PDE8A: variants seen among roughly 807,000 people sequenced by gnomAD.
PDE8A encodes phosphodiesterase 8A, also known as high affinity cAMP-specific and IBMX-insensitive 3',5'-cyclic phosphodiesterase 8A.
In PDE8A, 59 loss-of-function variants were observed where a neutral mutation model predicts 105.0. That is an observed-to-expected ratio of 0.56 (90% CI 0.46 to 0.70). The LOEUF is 0.70. Ranked by LOEUF, PDE8A falls within the 30% of genes least tolerant of loss-of-function variation. The probability of loss-of-function intolerance (pLI) is 0.00; values close to 1 mark genes in which losing one functional copy is unlikely to be tolerated. For missense variants in PDE8A, 1,014 were observed against 1,045.9 expected (o/e 0.97, Z 0.42); for synonymous variants, 355 against 371.9 (o/e 0.95, Z 0.52).
intron 3 of PDE8A, among the ~76,000 whole-genome samples, chr15:85,072,477 T>C (rs978677387): frequency 6.6e-6 from 1 of 152,214 alleles, no homozygotes; most frequent in Non-Finnish European, 1.5e-5. Flanking sequence ...CCCTAGTTTT[T>C]CTTACAGCTG....
At chr15:85,129,029 TC>T (rs2082295953) in intron 20 of PDE8A, among the ~76,000 whole-genome samples, 1 of 152,246 alleles carries the variant, frequency 6.6e-6, no homozygotes, top group African/African-American at 2.4e-5. Context: ...TGGGTTTTCT[TC>T]CCTTCATTCT....
At chr15:85,058,533 G>A (rs2081097686) in intron 1 of PDE8A, among the ~76,000 whole-genome samples, 1 of 152,098 alleles carries the variant, frequency 6.6e-6, no homozygotes, top group South Asian at 2.1e-4. Context: ...TTGGGTCCAG[G>A]GGTTTTCTTT....
At chr15:85,083,457 C>A in intron 5 of PDE8A, 99 bp from the exon 6 acceptor site, 1 of 684,056 alleles carries the variant, frequency 1.5e-6, no homozygotes. Flanking sequence ...TTTTAGATTT[C>A]AGTTGCCAAG....
At chr15:85,044,759 ACT>A (rs2080862282) in intron 1 of PDE8A, among the ~76,000 whole-genome samples, 1 of 152,110 alleles carries the variant, frequency 6.6e-6, no homozygotes, top group African/African-American at 2.4e-5. Flanking sequence ...CCTTGCCTCT[ACT>A]CTCATCCTCC....
At chr15:85,042,546 CAA>C (rs1029258627) in intron 1 of PDE8A, among the ~76,000 whole-genome samples, 18 of 152,294 alleles carry the variant, frequency 1.2e-4, no homozygotes, top group Admixed American at 2.0e-4. Flanking sequence ...CTGGGGTTAA[CAA>C]TTTACTCTTT....
chr15:85,028,299 G>T (rs1007475603), intron 1 of PDE8A, among the ~76,000 whole-genome samples: 4 of 152,108 alleles, frequency 2.6e-5, no homozygotes, highest in African/African-American at 9.7e-5. Flanking sequence ...ACTGCAGCCT[G>T]GAACTCCTGG....
chr15:84,993,219 G>A lies in PDE8A; in HGVS notation c.186+10871G>A, dbSNP rs529640184. ...AGCACTTTGGGAGGCCAAGGCGGGC[G>A]GATCACAAGGTCAGGAGATCAAGAC... On this transcript the variant is annotated intron_variant, in intron 1 of 21. Transcript: ENST00000394553. 7.5e-4 allele frequency among the ~76,000 whole-genome samples: 114 copies of A among 151,632 alleles called. 2 individuals are homozygous for A. In the South Asian group the frequency reaches 0.014, roughly 18 times the overall value.
intron 6 of PDE8A, among the ~76,000 whole-genome samples, chr15:85,085,620 A>C (rs2141512517): frequency 6.6e-6 from 1 of 151,704 alleles, no homozygotes; most frequent in East Asian, 1.9e-4. Context: ...GGTTGCAGTG[A>C]GCTGAGATCG....
intron 17 of PDE8A, among the ~76,000 whole-genome samples, chr15:85,119,531 T>G (rs2082149337): frequency 6.7e-6 from 1 of 148,906 alleles, no homozygotes; most frequent in Admixed American, 6.8e-5. Context: ...CACTTAAAAT[T>G]TAAATTATTG....
intron 20 of PDE8A, among the ~76,000 whole-genome samples, chr15:85,128,052 C>CAAAAAAAAA (rs61221393): frequency 1.7e-5 from 1 of 57,232 alleles, no homozygotes; most frequent in African/African-American, 5.3e-5. Flanking sequence ...TATTCCTATG[C>CAAAAAAAAA]AAAAAAAAAA....
intron 8 of PDE8A, among the ~76,000 whole-genome samples, chr15:85,095,085 G>A (rs575538880): frequency 6.8e-4 from 104 of 152,100 alleles, no homozygotes; most frequent in Non-Finnish European, 1.3e-3. Context: ...AAGACAGCGG[G>A]TGCCAAGAGG....
At chr15:85,097,680 G>A (rs3816105) in intron 8 of PDE8A, 75,031 of 323,116 alleles carry the variant, frequency 0.23, 10,727 homozygotes, top group Middle Eastern at 0.33. Flanking sequence ...TTTATTTGGG[G>A]GTCCAGGACC....
intron 11 of PDE8A, among the ~76,000 whole-genome samples, chr15:85,104,283 AT>A (rs2081914120): frequency 2.0e-5 from 3 of 152,146 alleles, no homozygotes; most frequent in African/African-American, 7.2e-5. Context: ...CCCAGCAATG[AT>A]GATGATGATG....
intron 1 of PDE8A, among the ~76,000 whole-genome samples, chr15:85,005,316 A>G (rs999565328): frequency 1.3e-5 from 2 of 152,046 alleles, no homozygotes; most frequent in Non-Finnish European, 2.9e-5. Context: ...GGTTCTCACT[A>G]TATTGCCCAG....
chr15:85,081,918 T>C (rs1319546731), intron 5 of PDE8A, among the ~76,000 whole-genome samples: 2 of 152,104 alleles, frequency 1.3e-5, no homozygotes, highest in Non-Finnish European at 2.9e-5. Flanking sequence ...AATCCATTTG[T>C]GGAAATGGAT....
Position 85,120,625 on chromosome 15 carries a change from T to A in PDE8A, c.1735-172T>A. 4 of 557,020 alleles carry A rather than the reference T, an allele frequency of 7.2e-6. No individual in the cohort carries two copies. In the South Asian group the frequency reaches 1.0e-4, roughly 14 times the overall value. The allele number at this position is 557,020 out of a possible 1,614,324, so 34.5% of individuals were successfully genotyped here. A position where few individuals can be genotyped will look rare whatever the true frequency, so the allele number is the denominator to read the frequency against. ...TGTGAGACTAACAAATATGCAGAAATATAACTGTTTCAGGGTGGAGATAGG... is the reference window on the plus strand; with the variant it reads ...TGTGAGACTAACAAATATGCAGAAAAATAACTGTTTCAGGGTGGAGATAGG... On this transcript the variant is annotated intron_variant, in intron 17 of 21. Transcript: ENST00000394553.
At chr15:85,048,990 T>C (rs944231886) in intron 1 of PDE8A, among the ~76,000 whole-genome samples, 1 of 152,120 alleles carries the variant, frequency 6.6e-6, no homozygotes, top group Non-Finnish European at 1.5e-5. Flanking sequence ...TAGTCCTGGC[T>C]ACTCGGGAGG....
intron 19 of PDE8A, among the ~76,000 whole-genome samples, chr15:85,123,452 G>A (rs866113176): frequency 1.1e-4 from 16 of 152,068 alleles, no homozygotes; most frequent in African/African-American, 2.9e-4. Context: ...TCTGCAAGCT[G>A]AGGAGCAAGG....
chr15:84,992,403 A>G (rs1335279556), intron 1 of PDE8A, among the ~76,000 whole-genome samples: 2 of 152,178 alleles, frequency 1.3e-5, no homozygotes, highest in Non-Finnish European at 2.9e-5. Context: ...TCCAATTATG[A>G]GGAGGCTGAC....
Sources: gnomAD v4.1 joint callset for allele counts (sites outside exome capture counted in the v4.1 genomes callset) on GRCh38, gnomAD v4.1.1 for gene constraint, MANE v1.5 for transcripts, NCBI Gene and HGNC (gene_info 2026-07-23, HGNC 2026-07-21) for gene names.